RASAL2: variants seen among roughly 807,000 people sequenced by gnomAD.
The protein encoded by RASAL2 is RAS protein activator like 2, also known as ras GTPase-activating protein nGAP.
A neutral mutation model predicts 128.9 loss-of-function variants in RASAL2; 58 were observed. The ratio of observed to expected loss-of-function variants is 0.45; its 90% confidence interval spans 0.36 to 0.56. RASAL2 has a LOEUF of 0.56. RASAL2 is among the 20% of genes least tolerant of loss of function. The pLI is 0.00. For synonymous variants in RASAL2, 561 were observed against 580.8 expected (o/e 0.97, Z 0.49); for missense variants, 1,360 against 1,601.6 (o/e 0.85, Z 2.57).
intron 9 of RASAL2, among the ~76,000 whole-genome samples, chr1:178,451,175 A>G (rs12751104): frequency 3.9e-5 from 6 of 152,192 alleles, no homozygotes; most frequent in East Asian, 1.9e-4. Context: ...GGACTATTCA[A>G]TCAAGCTTGG....
chr1:178,164,912 C>A (rs1661469299), intron 1 of RASAL2, among the ~76,000 whole-genome samples: 1 of 149,718 alleles, frequency 6.7e-6, no homozygotes, highest in African/African-American at 2.5e-5. Flanking sequence ...AGTCTGGATT[C>A]AACCAAGTAT....
intron 1 of RASAL2, among the ~76,000 whole-genome samples, chr1:178,125,089 T>C (rs1659848691): frequency 2.0e-5 from 3 of 152,196 alleles, no homozygotes; most frequent in Non-Finnish European, 4.4e-5. Flanking sequence ...AAACATCAGT[T>C]AGAAAAAGTA....
intron 1 of RASAL2, among the ~76,000 whole-genome samples, chr1:178,239,769 G>T (rs1571684429): frequency 6.6e-6 from 1 of 152,028 alleles, no homozygotes; most frequent in East Asian, 1.9e-4. Flanking sequence ...ATTCTAATAT[G>T]TGGACACGTT....
At chr1:178,451,778 C>T in intron 10 of RASAL2, 63 bp downstream of exon 10, 1 of 1,513,540 alleles carries the variant, frequency 6.6e-7, no homozygotes, top group Non-Finnish European at 8.9e-7. Context: ...GTGGAACTTA[C>T]ATTTTTTCAT....
At chr1:178,405,848 T>C (rs1456939182) in intron 4 of RASAL2, among the ~76,000 whole-genome samples, 1 of 152,248 alleles carries the variant, frequency 6.6e-6, no homozygotes, top group African/African-American at 2.4e-5. Context: ...GTGAGTATAG[T>C]ACCTATGTTA....
chr1:178,141,450 C>T (rs1660529949), intron 1 of RASAL2, among the ~76,000 whole-genome samples: 1 of 151,990 alleles, frequency 6.6e-6, no homozygotes, highest in African/African-American at 2.4e-5. Flanking sequence ...AGCTGAGTTA[C>T]AAAAGTCCTG....
Position 178,342,172 on chromosome 1 carries a change from A to T in RASAL2, c.457+42054A>T, listed in dbSNP as rs1571892141. 2.0e-5 allele frequency among the ~76,000 whole-genome samples: 3 copies of T among 152,354 alleles called. No individual in the cohort carries two copies. The East Asian group carries it at 5.8e-4, about 29-fold the overall frequency. On this transcript the variant is annotated intron_variant, in intron 3 of 17. Coordinates refer to ENST00000367649, the MANE Select transcript of RASAL2 (RefSeq NM_170692.4). Reference sequence around the variant, plus strand: ...AGGTAGGCTTTTAATATCCTCTGCCAAGATGACAGGTAAGAAAGTTTATTG... The same window carrying T: ...AGGTAGGCTTTTAATATCCTCTGCCTAGATGACAGGTAAGAAAGTTTATTG...
At chr1:178,435,670 A>C (rs1167926487) in intron 5 of RASAL2, among the ~76,000 whole-genome samples, 3 of 152,122 alleles carry the variant, frequency 2.0e-5, no homozygotes, top group Admixed American at 1.3e-4. Flanking sequence ...TTGTCTGCTG[A>C]CCTTAAGATA....
At chr1:178,362,140 G>A (rs1009946715) in intron 3 of RASAL2, among the ~76,000 whole-genome samples, 1 of 152,120 alleles carries the variant, frequency 6.6e-6, no homozygotes, top group Non-Finnish European at 1.5e-5. Flanking sequence ...AAGTAATATA[G>A]TGTAATAACT....
At chr1:178,440,983 C>A (rs1676607605) in intron 6 of RASAL2, among the ~76,000 whole-genome samples, 1 of 124,122 alleles carries the variant, frequency 8.1e-6, no homozygotes, top group South Asian at 2.3e-4. Context: ...TATTTATTTG[C>A]AGGTAATTTA....
intron 3 of RASAL2, among the ~76,000 whole-genome samples, chr1:178,321,676 G>C (rs1213285136): frequency 1.3e-5 from 2 of 151,720 alleles, no homozygotes; most frequent in Non-Finnish European, 2.9e-5. Context: ...ACCAGAACCA[G>C]ATAATTTTTT....
At chr1:178,337,792 C>T (rs187011343) in intron 3 of RASAL2, among the ~76,000 whole-genome samples, 3 of 151,548 alleles carry the variant, frequency 2.0e-5, no homozygotes, top group East Asian at 1.9e-4. Context: ...AGTGCAGTGG[C>T]GCAATCTCAG....
At chr1:178,381,320 A>G (rs1446381322) in intron 3 of RASAL2, among the ~76,000 whole-genome samples, 1 of 152,290 alleles carries the variant, frequency 6.6e-6, no homozygotes, top group East Asian at 1.9e-4. Context: ...CATAATCTGC[A>G]TGAGAAGATA....
At chr1:178,243,199 T>G (rs1338655214) in intron 1 of RASAL2, among the ~76,000 whole-genome samples, 1 of 152,196 alleles carries the variant, frequency 6.6e-6, no homozygotes, top group Non-Finnish European at 1.5e-5. Context: ...AGTGACAATT[T>G]AATTTTCAGA....
chr1:178,298,207 T>A (rs754355406), intron 2 of RASAL2, among the ~76,000 whole-genome samples: 2 of 152,218 alleles, frequency 1.3e-5, no homozygotes, highest in African/African-American at 2.4e-5. Flanking sequence ...GTAGAGATAA[T>A]AAAATTTCCA....
intron 3 of RASAL2, among the ~76,000 whole-genome samples, chr1:178,320,337 C>G (rs374295763): frequency 2.0e-5 from 3 of 152,194 alleles, no homozygotes; most frequent in Admixed American, 2.0e-4. Context: ...TCGAGCTTCC[C>G]GGCTGCTTTG....
At chr1:178,136,756 C>CAAAAAAAAAAAAAAAAAAA (rs397982072) in intron 1 of RASAL2, among the ~76,000 whole-genome samples, 2 of 47,200 alleles carry the variant, frequency 4.2e-5, no homozygotes, top group African/African-American at 2.0e-4. Flanking sequence ...GACTCTGTCT[C>CAAAAAAAAAAAAAAAAAAA]AAAAAAAAAA....
Position 178,118,624 on chromosome 1 carries a change from A to G in RASAL2, c.202+23930A>G, listed in dbSNP as rs182204352. ...CTTCAACTCTTTTGAAAGCTGAGAT[A>G]GGTGATCACGCACCAGCTGGGAGAA... On this transcript the variant is annotated intron_variant, in intron 1 of 17. Coordinates refer to ENST00000367649, the MANE Select transcript of RASAL2 (RefSeq NM_170692.4). Among the ~76,000 whole-genome samples, 8 of 152,318 alleles carry G rather than the reference A, an allele frequency of 5.3e-5. No individual in the cohort carries two copies. In the East Asian group the frequency reaches 1.5e-3, roughly 29 times the overall value.
rs1676595075 is a variant in RASAL2 at position 178,440,855 on chromosome 1, T to C, written c.829-694T>C. Among the ~76,000 whole-genome samples, 3 of 152,160 alleles carry C rather than the reference T, an allele frequency of 2.0e-5. No homozygotes were observed. In the South Asian group the frequency reaches 6.2e-4, roughly 32 times the overall value. ...GATAGTAATTCAATATTAGTAACTC[T>C]TCAATTTCATTTAGCACCCTTCTAT... On this transcript the variant is annotated intron_variant, in intron 6 of 17. Transcript: ENST00000367649.
Sources: gnomAD v4.1 joint callset for allele counts (sites outside exome capture counted in the v4.1 genomes callset) on GRCh38, gnomAD v4.1.1 for gene constraint, MANE v1.5 for transcripts, NCBI Gene and HGNC (gene_info 2026-07-23, HGNC 2026-07-21) for gene names.